Variants in C8orf34 observed in about 807,000 individuals in gnomAD.
C8orf34 encodes chromosome 8 open reading frame 34, also known as uncharacterized protein C8orf34.
In C8orf34, 65 loss-of-function variants were observed where a neutral mutation model predicts 68.3. The observed-to-expected ratio is 0.95, with a 90% CI of 0.78 to 1.17. C8orf34 has a LOEUF of 1.17. C8orf34 is among the 50% of genes most tolerant of loss of function. The pLI is 0.00. For missense variants in C8orf34, 664 were observed against 655.4 expected (o/e 1.01, Z -0.14); for synonymous variants, 244 against 241.2 (o/e 1.01, Z -0.11).
At chr8:68,489,174 C>A (rs1003523788) in intron 5 of C8orf34, among the ~76,000 whole-genome samples, 3 of 152,120 alleles carry the variant, frequency 2.0e-5, no homozygotes, top group Admixed American at 2.0e-4. Flanking sequence ...TGCATTCAAT[C>A]TGTTGTGATA....
rs188537487 is a variant in C8orf34 at position 68,616,224 on chromosome 8, A to T, written c.1106-24152A>T. ...TGCTAGCGGTCTATCAATTTTGTTG[A>T]TCCTTTCAAAAAACCAACTCCTGGA... On this transcript the variant is annotated intron_variant, in intron 7 of 13. Transcript: ENST00000518698. Among the ~76,000 whole-genome samples the T allele has an allele frequency of 5.4e-3, 827 of 151,770 alleles. 6 individuals carry two copies. Among genetic ancestry groups the T allele is most frequent in the Middle Eastern group, 0.024 (7 of 294 alleles).
intron 1 of C8orf34, among the ~76,000 whole-genome samples, chr8:68,344,159 G>A (rs1170413189): frequency 6.6e-6 from 1 of 152,008 alleles, no homozygotes; most frequent in Non-Finnish European, 1.5e-5. Flanking sequence ...AAAAAAACTA[G>A]GAACAACCCA....
chr8:68,552,395 C>T (rs543363490), intron 7 of C8orf34, among the ~76,000 whole-genome samples: 1 of 152,048 alleles, frequency 6.6e-6, no homozygotes, highest in African/African-American at 2.4e-5. Flanking sequence ...TGTCAGAGTA[C>T]AAATTTTATA....
intron 1 of C8orf34, 37 bp from the exon 2 acceptor site, chr8:68,439,462 T>C: frequency 6.3e-7 from 1 of 1,598,954 alleles, no homozygotes; most frequent in Non-Finnish European, 8.5e-7. Context: ...GTTGCTGTTA[T>C]TATTAATTAT....
intron 7 of C8orf34, among the ~76,000 whole-genome samples, chr8:68,580,507 A>T (rs1391887627): frequency 6.6e-6 from 1 of 152,148 alleles, no homozygotes; most frequent in East Asian, 1.9e-4. Context: ...CAATGATAAC[A>T]TTACACTTAT....
At chr8:68,589,014 C>T (rs1317437806) in intron 7 of C8orf34, among the ~76,000 whole-genome samples, 2 of 152,048 alleles carry the variant, frequency 1.3e-5, no homozygotes, top group Non-Finnish European at 2.9e-5. Flanking sequence ...AAACAGGCAA[C>T]AGGTTAATTT....
At chr8:68,691,934 A>T (rs1026112386) in intron 8 of C8orf34, among the ~76,000 whole-genome samples, 5 of 152,088 alleles carry the variant, frequency 3.3e-5, no homozygotes, top group Non-Finnish European at 7.4e-5. Context: ...TACATGAGAC[A>T]AAGCTGAGCA....
intron 5 of C8orf34, among the ~76,000 whole-genome samples, chr8:68,512,243 A>G (rs541488156): frequency 1.3e-5 from 2 of 152,354 alleles, no homozygotes; most frequent in East Asian, 3.9e-4. Flanking sequence ...GATAGCATAT[A>G]CTTAGACAAT....
intron 10 of C8orf34, among the ~76,000 whole-genome samples, chr8:68,735,313 T>C (rs996748600): frequency 6.6e-6 from 1 of 152,218 alleles, no homozygotes; most frequent in African/African-American, 2.4e-5. Context: ...TGCCCTGCTG[T>C]AAACAAACTT....
At chr8:68,708,275 GCATATATGCT>G (rs1346098888) in intron 8 of C8orf34, among the ~76,000 whole-genome samples, 1 of 152,154 alleles carries the variant, frequency 6.6e-6, no homozygotes, top group Non-Finnish European at 1.5e-5. Flanking sequence ...CAAGAGATAT[GCATATATGCT>G]TGAATTTGTA....
chr8:68,624,689 T>C (rs1236915621), intron 7 of C8orf34, among the ~76,000 whole-genome samples: 7 of 114,360 alleles, frequency 6.1e-5, no homozygotes, highest in Non-Finnish European at 4.2e-5. Context: ...TTCTAGGAAA[T>C]AGCGATACAG....
chr8:68,678,765 AC>A (rs1820270594), intron 8 of C8orf34, among the ~76,000 whole-genome samples: 2 of 152,056 alleles, frequency 1.3e-5, no homozygotes, highest in Non-Finnish European at 2.9e-5. Flanking sequence ...AGAAAAAGAC[AC>A]AAAGGGAATC....
intron 4 of C8orf34, among the ~76,000 whole-genome samples, chr8:68,485,605 A>T (rs1813040176): frequency 6.6e-6 from 1 of 151,744 alleles, no homozygotes; most frequent in African/African-American, 2.4e-5. Context: ...CCAGCTACTC[A>T]TGAGGCTGAG....
At chr8:68,794,386 G>A (rs1302089818) in intron 12 of C8orf34, among the ~76,000 whole-genome samples, 3 of 88,990 alleles carry the variant, frequency 3.4e-5, no homozygotes, top group African/African-American at 1.6e-4. Context: ...GCCCAGGCTG[G>A]TCTCGAACTC....
intron 5 of C8orf34, among the ~76,000 whole-genome samples, chr8:68,502,127 G>A (rs757329431): frequency 1.3e-5 from 2 of 152,052 alleles, no homozygotes; most frequent in Non-Finnish European, 1.5e-5. Flanking sequence ...GTGCAGTGGC[G>A]TGATCTCAGC....
At chr8:68,530,592 G>A in intron 6 of C8orf34, 1 of 1,253,370 alleles carries the variant, frequency 8.0e-7, no homozygotes. Flanking sequence ...TTGTTTCTCA[G>A]TTTAGAAGAC....
intron 5 of C8orf34, among the ~76,000 whole-genome samples, chr8:68,496,694 C>T (rs1008114904): frequency 5.3e-5 from 8 of 152,146 alleles, no homozygotes; most frequent in African/African-American, 1.9e-4. Flanking sequence ...TTTTGCTATT[C>T]ACTTTCTATT....
chr8:68,715,789 A>G (rs1005440847), intron 9 of C8orf34, among the ~76,000 whole-genome samples: 5 of 152,216 alleles, frequency 3.3e-5, no homozygotes, highest in Non-Finnish European at 1.5e-5. Flanking sequence ...AAGATCTACC[A>G]TTTGATCCAG....
intron 7 of C8orf34, among the ~76,000 whole-genome samples, chr8:68,584,294 T>A (rs2130373417): frequency 6.6e-6 from 1 of 152,092 alleles, no homozygotes; most frequent in East Asian, 1.9e-4. Flanking sequence ...GATAGCGTTC[T>A]CTGAGAAAAA....
Sources: allele counts gnomAD v4.1 joint callset (sites outside exome capture counted in the v4.1 genomes callset), GRCh38; gene constraint gnomAD v4.1.1; transcripts MANE v1.5; gene names NCBI Gene and HGNC (gene_info 2026-07-23, HGNC 2026-07-21).